Variants in CTNNA1 observed in about 807,000 individuals in gnomAD.
CTNNA1 encodes catenin alpha-1.
CTNNA1 carries 37 observed loss-of-function variants against 98.4 expected under a neutral mutation model. The ratio of observed to expected loss-of-function variants is 0.38; its 90% CI spans 0.29 to 0.49. CTNNA1 has a LOEUF of 0.49. Ranked by LOEUF, CTNNA1 falls within the 20% of genes least tolerant of loss-of-function variation. The pLI, the probability that CTNNA1 is intolerant of heterozygous loss-of-function variation, is 0.95. For synonymous variants in CTNNA1, 404 were observed against 413.2 expected, an observed-to-expected ratio of 0.98 and a Z score of 0.27; for missense variants, 761 against 1,147.2, an observed-to-expected ratio of 0.66 and a Z score of 4.86.
chr5:138,827,710 A>C lies in CTNNA1; in HGVS notation c.1054A>C (p.Met352Leu). The C allele has an allele frequency of 6.2e-7, 1 of 1,614,204 alleles. No individual in the cohort carries two copies. Among genetic ancestry groups the C allele is most frequent in the East Asian group, 2.2e-5 (1 of 44,890 alleles). Residue 352 changes from methionine to leucine, a missense_variant, in exon 7 of 18, where the codon ATG becomes CTG. By Grantham distance (15) the Met-to-Leu change is conservative (BLOSUM62 2). This residue lies in a region of CTNNA1 where 287 missense variants were observed against 436.0 expected (regional missense o/e 0.66). Coordinates refer to ENST00000302763, the MANE Select transcript of CTNNA1 (RefSeq NM_001903.5). ...CCTGCAGGACCTGCTTTCGGAGTAC[A>C]TGGGCAATGTGAGTTTGACAGCTTT... Reference protein sequence around the residue: ...QALQDLLSEYMGNAGRKERSD... With the variant: ...QALQDLLSEYLGNAGRKERSD...
chr5:138,840,107 G>A (rs1356608665), intron 7 of CTNNA1, among the ~76,000 whole-genome samples: 2 of 152,168 alleles, frequency 1.3e-5, no homozygotes, highest in Non-Finnish European at 2.9e-5. Context: ...AAGTAAAACC[G>A]TGAAGATGGG....
At chr5:138,780,926 T>C (rs1415113631) in intron 1 of CTNNA1, among the ~76,000 whole-genome samples, 1 of 139,132 alleles carries the variant, frequency 7.2e-6, no homozygotes, top group Non-Finnish European at 1.6e-5. Context: ...TTGAAGGCAC[T>C]ACTTTTAGAA....
intron 16 of CTNNA1, chr5:138,931,532 A>C (rs1765323384): frequency 1.1e-6 from 1 of 936,670 alleles, no homozygotes; most frequent in African/African-American, 1.8e-5. Context: ...GCCTCCTTAC[A>C]CAAGCCAAAG....
chr5:138,913,995 C>T (rs1222693008), intron 10 of CTNNA1, among the ~76,000 whole-genome samples: 2 of 152,160 alleles, frequency 1.3e-5, no homozygotes, highest in African/African-American at 2.4e-5. Context: ...GGATTACAGG[C>T]GTGAGCCACT....
intron 11 of CTNNA1, among the ~76,000 whole-genome samples, chr5:138,918,541 A>T (rs1269077636): frequency 1.3e-5 from 2 of 152,320 alleles, no homozygotes; most frequent in East Asian, 3.9e-4. Flanking sequence ...GAAAAAATAA[A>T]TCTGGGTAAT....
intron 7 of CTNNA1, chr5:138,871,218 A>G (rs1047715843): frequency 1.3e-5 from 2 of 152,230 alleles, no homozygotes; most frequent in African/African-American, 4.8e-5. Flanking sequence ...GATGTTGGGG[A>G]AAAGATAACT....
intron 3 of CTNNA1, among the ~76,000 whole-genome samples, chr5:138,783,815 C>G (rs944350692): frequency 6.6e-6 from 1 of 152,130 alleles, no homozygotes; most frequent in Non-Finnish European, 1.5e-5. Context: ...AAAATATCTA[C>G]CTACTCTGAA....
chr5:138,827,985 C>G (rs1760888495), intron 7 of CTNNA1: 2 of 457,178 alleles, frequency 4.4e-6, no homozygotes, highest in Non-Finnish European at 8.1e-6. Flanking sequence ...CATGTAGATA[C>G]ATGTGTAGGT....
At chr5:138,785,582 T>C (rs1317681085) in intron 3 of CTNNA1, among the ~76,000 whole-genome samples, 1 of 151,812 alleles carries the variant, frequency 6.6e-6, no homozygotes, top group East Asian at 1.9e-4. Flanking sequence ...TTTTTTTGAG[T>C]TGGAGTCTTG....
intron 16 of CTNNA1, chr5:138,932,073 T>C: frequency 2.0e-6 from 2 of 985,980 alleles, no homozygotes; most frequent in Non-Finnish European, 2.4e-6. Context: ...GTCTTCCACC[T>C]CAGCCTGCAG....
rs1017656131 is a variant in CTNNA1 at position 138,778,154 on chromosome 5, C to T, written c.-2-3769C>T. 1.8e-3 allele frequency among the ~76,000 whole-genome samples: 155 copies of T among 88,018 alleles called. 1 individual carries two copies. The highest frequency in any genetic ancestry group is 5.3e-3 in the Middle Eastern group (1 of 188). The allele number at this position is 88,018 out of a possible 152,430, so 57.7% of individuals were successfully genotyped here. Reference sequence around the variant, plus strand: ...GACTACAGGCGACCGCCACCACGCCCGGCTAATTTTTTGGTATTTTTAGTA... The same window carrying T: ...GACTACAGGCGACCGCCACCACGCCTGGCTAATTTTTTGGTATTTTTAGTA... On this transcript the variant is annotated intron_variant, in intron 1 of 17. Coordinates refer to ENST00000302763, the MANE Select transcript of CTNNA1 (RefSeq NM_001903.5).
intron 5 of CTNNA1, among the ~76,000 whole-genome samples, chr5:138,817,735 GT>G (rs1759578042): frequency 6.6e-6 from 1 of 151,594 alleles, no homozygotes; most frequent in Non-Finnish European, 1.5e-5. Flanking sequence ...ATTCTTCGTT[GT>G]TTTCACCATT....
chr5:138,862,782 C>G (rs1764406811), intron 7 of CTNNA1, among the ~76,000 whole-genome samples: 1 of 152,140 alleles, frequency 6.6e-6, no homozygotes, highest in African/African-American at 2.4e-5. Flanking sequence ...ATTATCAGTT[C>G]TCATTTTGAA....
rs150653346 is a variant in CTNNA1, at chr5:138,814,200, A to G, written c.588+1898A>G. Among the ~76,000 whole-genome samples, 28 of 151,268 alleles carry G rather than the reference A, an allele frequency of 1.9e-4. 1 individual carries two copies. The East Asian group carries it at 2.3e-3, about 13-fold the overall frequency. ...GCATTTCTAGTACTTAAGATTATAC[A>G]TGGTAATATAGCTAGGTTGGTATAC... On this transcript the variant is annotated intron_variant, in intron 5 of 17. Transcript: ENST00000302763.
At chr5:138,901,213 A>G (rs979780221) in intron 9 of CTNNA1, among the ~76,000 whole-genome samples, 3 of 151,672 alleles carry the variant, frequency 2.0e-5, no homozygotes, top group African/African-American at 2.4e-5. Context: ...GCTGGAGTGC[A>G]GTGGCGCCAT....
At chr5:138,827,461 A>C in intron 6 of CTNNA1, 54 bp from the exon 7 acceptor site, 1 of 1,584,000 alleles carries the variant, frequency 6.3e-7, no homozygotes. Context: ...TCTCACCTTG[A>C]ATAAAGAAGG....
At chr5:138,880,796 T>C (rs1752721108) in intron 7 of CTNNA1, 1 of 314,692 alleles carries the variant, frequency 3.2e-6, no homozygotes, top group Non-Finnish European at 6.3e-6. Flanking sequence ...TCTGACCCAG[T>C]TGTCTAAATT....
chr5:138,768,283 C>T (rs908618123), intron 1 of CTNNA1, among the ~76,000 whole-genome samples: 2 of 151,952 alleles, frequency 1.3e-5, no homozygotes, highest in African/African-American at 4.8e-5. Flanking sequence ...TTTTTGAGAT[C>T]GAGTCTCGCT....
chr5:138,893,930 T>A (rs1181227167), intron 9 of CTNNA1, among the ~76,000 whole-genome samples: 1 of 146,866 alleles, frequency 6.8e-6, no homozygotes, highest in Admixed American at 6.7e-5. Flanking sequence ...CCTATTTATT[T>A]TTTTTGAGAC....
Sources: allele counts gnomAD v4.1 joint callset (sites outside exome capture counted in the v4.1 genomes callset), GRCh38; gene constraint gnomAD v4.1.1; regional missense constraint gnomAD v4.1.1; transcripts MANE v1.5; gene names NCBI Gene and HGNC (gene_info 2026-07-23, HGNC 2026-07-21).